The following CACNA1A variants were observed in gnomAD, a reference collection of about 807,000 sequenced individuals.
CACNA1A encodes calcium voltage-gated channel subunit alpha1 A.
In CACNA1A, 57 loss-of-function variants were observed where a neutral mutation model predicts 262.4. The ratio of observed to expected loss-of-function variants is 0.22; its 90% CI spans 0.18 to 0.27. The LOEUF (loss-of-function observed/expected upper bound fraction) is 0.27, where lower values mean the gene tolerates loss of function less well. Among genes scored for constraint, CACNA1A ranks in the 10% least tolerant of loss-of-function variants. CACNA1A has a pLI of 1.00. For synonymous variants in CACNA1A, 1,431 were observed against 1,419.3 expected (o/e 1.01, Z -0.18); for missense variants, 2,526 against 3,562.8 (o/e 0.71, Z 7.41).
At chr19:13,292,492 T>C (rs1369712184) in intron 19 of CACNA1A, among the ~76,000 whole-genome samples, 1 of 151,978 alleles carries the variant, frequency 6.6e-6, no homozygotes, top group African/African-American at 2.4e-5. Flanking sequence ...TGCACACCTG[T>C]AGTCCCAGCT....
chr19:13,381,775 T>C (rs1317278594), intron 3 of CACNA1A, among the ~76,000 whole-genome samples: 1 of 152,134 alleles, frequency 6.6e-6, no homozygotes, highest in Non-Finnish European at 1.5e-5. Context: ...CCTGGTGTAT[T>C]TGAGAAACAG....
intron 19 of CACNA1A, 52 bp from the exon 20 acceptor site, chr19:13,287,018 G>A: frequency 7.1e-7 from 1 of 1,401,780 alleles, no homozygotes; most frequent in South Asian, 1.4e-5. Context: ...TAGGATAAAA[G>A]GCAACAGTTC....
rs2054865256 is a variant in CACNA1A at position 13,212,800 on chromosome 19, C to T, written c.5941-60G>A. On this transcript the variant is annotated intron_variant, in intron 40 of 46. Transcript: ENST00000360228. The surrounding 1 kb of genome is among the most constrained non-coding windows in gnomAD (Gnocchi z 5.6). ...GGGTGGGGTGGTGGGACGGTGGTAC[C>T]CAGAAGGCATTGCGACATCCCCAGT... 1.3e-6 allele frequency: 1 copy of T among 787,120 alleles called. No homozygotes were observed. Among genetic ancestry groups the T allele is most frequent in the South Asian group, 2.1e-5 (1 of 48,648 alleles). The allele number at this position is 787,120 out of a possible 1,614,324, so 48.8% of individuals were successfully genotyped here.
intron 3 of CACNA1A, among the ~76,000 whole-genome samples, chr19:13,433,718 G>A (rs2060561718): frequency 6.6e-6 from 1 of 152,076 alleles, no homozygotes; most frequent in Non-Finnish European, 1.5e-5. Flanking sequence ...GGCTCAGACA[G>A]CCCTTCCCTG....
chr19:13,435,053 G>C (rs902223986), intron 3 of CACNA1A, among the ~76,000 whole-genome samples: 2 of 151,770 alleles, frequency 1.3e-5, no homozygotes, highest in Admixed American at 6.6e-5. Context: ...GCCTCCCAAA[G>C]TACTGGGATT....
intron 1 of CACNA1A, among the ~76,000 whole-genome samples, chr19:13,479,240 G>A (rs1047349042): frequency 6.6e-6 from 1 of 152,184 alleles, no homozygotes; most frequent in Non-Finnish European, 1.5e-5. Context: ...GATGTAGGGT[G>A]ACAGATAGCA....
intron 35 of CACNA1A, among the ~76,000 whole-genome samples, chr19:13,231,082 C>A (rs1040672949): frequency 6.6e-6 from 1 of 151,836 alleles, no homozygotes; most frequent in Non-Finnish European, 1.5e-5. Context: ...TGGCTCACTG[C>A]AGCCTCGACC....
chr19:13,347,059 G>GTTTTTTT (rs1207564258), intron 6 of CACNA1A, among the ~76,000 whole-genome samples: 2 of 58,394 alleles, frequency 3.4e-5, no homozygotes, highest in African/African-American at 5.2e-5. Flanking sequence ...TGTTTTTTTT[G>GTTTTTTT]TTTTTTTGTT....
chr19:13,505,821 C>T, intron 1 of CACNA1A, 111 bp downstream of exon 1: 1 of 1,138,792 alleles, frequency 8.8e-7, no homozygotes, highest in Admixed American at 2.0e-5. Context: ...GGAAGACCCC[C>T]CTCCTCCCCA....
intron 3 of CACNA1A, among the ~76,000 whole-genome samples, chr19:13,374,329 C>G (rs1376961259): frequency 6.6e-6 from 1 of 152,166 alleles, no homozygotes; most frequent in Admixed American, 6.6e-5. Flanking sequence ...CTCACTGCAG[C>G]CTCAACCTCC....
intron 6 of CACNA1A, among the ~76,000 whole-genome samples, chr19:13,341,183 G>A (rs549205112): frequency 1.3e-5 from 2 of 152,256 alleles, no homozygotes; most frequent in East Asian, 1.9e-4. Context: ...AGATGAAGGC[G>A]GGATCAGGGT....
At chr19:13,310,810 A>C (rs962338906) in intron 12 of CACNA1A, among the ~76,000 whole-genome samples, 4 of 148,348 alleles carry the variant, frequency 2.7e-5, no homozygotes, top group African/African-American at 1.0e-4. Context: ...TTTTTTTTTG[A>C]GACGGAGTCT....
chr19:13,338,438 G>A (rs1314738911), intron 6 of CACNA1A, among the ~76,000 whole-genome samples: 1 of 152,042 alleles, frequency 6.6e-6, no homozygotes, highest in Non-Finnish European at 1.5e-5. Context: ...TTCCGAAATA[G>A]TAATTCTGAA....
At chr19:13,393,699 A>T (rs1201070498) in intron 3 of CACNA1A, among the ~76,000 whole-genome samples, 4 of 93,120 alleles carry the variant, frequency 4.3e-5, no homozygotes, top group African/African-American at 7.4e-5. Context: ...TTCTTTCTTT[A>T]CCTTTCTCTC....
chr19:13,360,259 G>A (rs2059079583), intron 5 of CACNA1A, among the ~76,000 whole-genome samples: 1 of 77,828 alleles, frequency 1.3e-5, no homozygotes, highest in Non-Finnish European at 2.3e-5. Flanking sequence ...CTGTGTGTGT[G>A]TGTGTGTATA....
At chr19:13,422,852 T>G (rs2060341096) in intron 3 of CACNA1A, among the ~76,000 whole-genome samples, 1 of 152,262 alleles carries the variant, frequency 6.6e-6, no homozygotes, top group Non-Finnish European at 1.5e-5. Context: ...GAGCACTGTT[T>G]GCATAACTCC....
At chr19:13,358,647 G>A (rs2059048878) in intron 6 of CACNA1A, among the ~76,000 whole-genome samples, 1 of 152,142 alleles carries the variant, frequency 6.6e-6, no homozygotes, top group South Asian at 2.1e-4. Flanking sequence ...TGCATATTGT[G>A]GGAAGAGGAA....
chr19:13,346,413 C>T (rs1209492416), intron 6 of CACNA1A, among the ~76,000 whole-genome samples: 1 of 150,510 alleles, frequency 6.6e-6, no homozygotes, highest in Non-Finnish European at 1.5e-5. Flanking sequence ...TTCAAAAAGC[C>T]TCAAGCAATT....
intron 3 of CACNA1A, among the ~76,000 whole-genome samples, chr19:13,395,407 T>G (rs2059792321): frequency 6.6e-6 from 1 of 150,966 alleles, no homozygotes; most frequent in Non-Finnish European, 1.5e-5. Context: ...GGTCAGCAGT[T>G]TGAGACCAGC....
Sources: allele counts gnomAD v4.1 joint callset (sites outside exome capture counted in the v4.1 genomes callset), GRCh38; gene constraint gnomAD v4.1.1; non-coding constraint Gnocchi (gnomAD v3.1); transcripts MANE v1.5; gene names NCBI Gene and HGNC (gene_info 2026-07-23, HGNC 2026-07-21).